The following PRDM11 variants were observed in gnomAD, a reference collection of about 807,000 sequenced individuals.
The protein encoded by PRDM11 is PR/SET domain 11.
Under a neutral mutation model 97.8 loss-of-function variants are expected in PRDM11, and 20 were observed. That is an observed-to-expected ratio of 0.20 (90% CI 0.14 to 0.30). The LOEUF is 0.30. Among genes scored for constraint, PRDM11 ranks in the 10% least tolerant of loss-of-function variants. The probability of loss-of-function intolerance (pLI) is 1.00; values close to 1 mark genes in which losing one functional copy is unlikely to be tolerated. For synonymous variants in PRDM11, 599 were observed against 637.7 expected (o/e 0.94, Z 0.91); for missense variants, 1,139 against 1,555.2 (o/e 0.73, Z 4.50).
intron 1 of PRDM11, among the ~76,000 whole-genome samples, chr11:45,161,607 A>G (rs1008897282): frequency 2.0e-5 from 3 of 152,232 alleles, no homozygotes; most frequent in Admixed American, 1.3e-4. Context: ...CAGGAGAAGA[A>G]AGCAGTCTGG....
chr11:45,192,204 TGGTATTAATATTAG>T (rs1852940950), intron 4 of PRDM11, among the ~76,000 whole-genome samples: 3 of 152,126 alleles, frequency 2.0e-5, no homozygotes, highest in African/African-American at 7.2e-5. Context: ...CAGGTGGGGA[TGGTATTAATATTAG>T]GGTATAACAG....
rs761733234 is a variant in PRDM11, at chr11:45,224,272, C to T, written c.798C>T (p.Asp266=). ...KSEQVLDNPE[D]LRGPIHLSVL... ...AGCAGGTTCTGGATAACCCAGAAGACCTGAGGGGTCCCATTCATCTCTCTG... is the reference window on the plus strand; with the variant it reads ...AGCAGGTTCTGGATAACCCAGAAGATCTGAGGGGTCCCATTCATCTCTCTG... Residue 266 remains aspartate (D), a synonymous_variant, in exon 7 of 8, where the codon GAC becomes GAT. Coordinates refer to ENST00000683152, the MANE Select transcript of PRDM11 (RefSeq NM_001384648.1). 1 of 1,613,486 alleles carries T rather than the reference C, an allele frequency of 6.2e-7. No individual in the cohort carries two copies. Among genetic ancestry groups the T allele is most frequent in the South Asian group, 1.1e-5 (1 of 90,944 alleles).
At chr11:45,106,624 C>T (rs537704682) in intron 1 of PRDM11, among the ~76,000 whole-genome samples, 5 of 152,260 alleles carry the variant, frequency 3.3e-5, no homozygotes, top group South Asian at 2.1e-4. Context: ...GGTGACTTGA[C>T]GGTGGTGGCA....
At chr11:45,129,237 A>G (rs1852661636) in intron 1 of PRDM11, among the ~76,000 whole-genome samples, 1 of 152,240 alleles carries the variant, frequency 6.6e-6, no homozygotes, top group Admixed American at 6.5e-5. Flanking sequence ...CTCTGAGGTT[A>G]GGAACAAGAC....
intron 5 of PRDM11, among the ~76,000 whole-genome samples, chr11:45,209,486 T>G (rs892283254): frequency 2.0e-5 from 3 of 152,232 alleles, no homozygotes; most frequent in African/African-American, 7.2e-5. Context: ...GAATATTTAC[T>G]GAGCATCTCC....
chr11:45,153,925 A>G (rs1192222779), intron 1 of PRDM11, among the ~76,000 whole-genome samples: 1 of 152,222 alleles, frequency 6.6e-6, no homozygotes, highest in Non-Finnish European at 1.5e-5. Flanking sequence ...GAGAGGTTAC[A>G]TGACCAACTG....
chr11:45,169,816 C>G (rs1852157739), intron 1 of PRDM11, among the ~76,000 whole-genome samples: 1 of 152,228 alleles, frequency 6.6e-6, no homozygotes, highest in African/African-American at 2.4e-5. Flanking sequence ...TCTGCTGTCT[C>G]TCCCATGACG....
intron 1 of PRDM11, among the ~76,000 whole-genome samples, chr11:45,154,637 A>G (rs1043455895): frequency 1.3e-5 from 2 of 152,222 alleles, no homozygotes; most frequent in Non-Finnish European, 1.5e-5. Flanking sequence ...TGGAGCCTTC[A>G]GTGCCTTCTA....
At position 45,158,439 on chromosome 11, in the gene PRDM11, A is replaced by T. The variant is rs552340212; in HGVS notation, c.-7+11562A>T. Among the ~76,000 whole-genome samples, 122 of 152,306 alleles carry T rather than the reference A, an allele frequency of 8.0e-4. No homozygotes were observed. In the East Asian group the frequency reaches 0.013, roughly 16 times the overall value. ...CCGGGCTGTCTGGCTGCTGTTCAAC[A>T]GGGAGTCCAGCTGCCTGGGGTCCTA... On this transcript the variant is annotated intron_variant, in intron 1 of 7. Transcript: ENST00000683152.
At chr11:45,110,410 G>A (rs1311796055) in intron 1 of PRDM11, among the ~76,000 whole-genome samples, 1 of 152,184 alleles carries the variant, frequency 6.6e-6, no homozygotes, top group Non-Finnish European at 1.5e-5. Flanking sequence ...CATTTAGATA[G>A]CATTACAATT....
At chr11:45,220,773 C>T (rs552389368) in intron 6 of PRDM11, among the ~76,000 whole-genome samples, 280 of 152,264 alleles carry the variant, frequency 1.8e-3, no homozygotes, top group African/African-American at 6.4e-3. Context: ...TGTGGGAAGC[C>T]GGGTGGGTTC....
intron 1 of PRDM11, among the ~76,000 whole-genome samples, chr11:45,121,350 G>A (rs1408371477): frequency 6.6e-6 from 1 of 151,980 alleles, no homozygotes. Context: ...ACAAAAAGCT[G>A]GTGTGGTTAT....
At chr11:45,120,734 A>C (rs1168200090) in intron 1 of PRDM11, among the ~76,000 whole-genome samples, 1 of 152,104 alleles carries the variant, frequency 6.6e-6, no homozygotes, top group Middle Eastern at 3.2e-3. Flanking sequence ...GAGAGAACAG[A>C]CCACAGGAAG....
chr11:45,128,459 A>C (rs1852636019), intron 1 of PRDM11, among the ~76,000 whole-genome samples: 1 of 152,018 alleles, frequency 6.6e-6, no homozygotes, highest in African/African-American at 2.4e-5. Context: ...GAAGCTGTAG[A>C]CCGGAGCTCT....
chr11:45,149,346 C>A (rs938151398), intron 1 of PRDM11, among the ~76,000 whole-genome samples: 2 of 152,258 alleles, frequency 1.3e-5, no homozygotes, highest in Non-Finnish European at 2.9e-5. Flanking sequence ...CCCTTGACCT[C>A]ATCTTCTATC....
At chr11:45,199,706 G>C (rs951982041) in intron 4 of PRDM11, among the ~76,000 whole-genome samples, 1 of 152,180 alleles carries the variant, frequency 6.6e-6, no homozygotes, top group African/African-American at 2.4e-5. Context: ...TGGCCCTGCT[G>C]TCATTCCTGG....
At chr11:45,217,704 G>A (rs1325892683) in intron 5 of PRDM11, among the ~76,000 whole-genome samples, 2 of 152,214 alleles carry the variant, frequency 1.3e-5, no homozygotes, top group East Asian at 3.9e-4. Context: ...GATGAGCAAG[G>A]CAGGATATAG....
At chr11:45,113,828 TG>T (rs1429599383) in intron 1 of PRDM11, among the ~76,000 whole-genome samples, 26 of 101,912 alleles carry the variant, frequency 2.6e-4, no homozygotes, top group Middle Eastern at 4.9e-3. Context: ...GTGTGTGTTT[TG>T]TTTTTTTTTT....
intron 1 of PRDM11, among the ~76,000 whole-genome samples, chr11:45,117,022 G>A (rs1299543628): frequency 1.3e-5 from 2 of 152,096 alleles, no homozygotes; most frequent in Admixed American, 6.6e-5. Context: ...TCAGGAGTTC[G>A]AGACCAGCCT....
Sources: gnomAD v4.1 joint callset for allele counts (sites outside exome capture counted in the v4.1 genomes callset) on GRCh38, gnomAD v4.1.1 for gene constraint, MANE v1.5 for transcripts, NCBI Gene and HGNC (gene_info 2026-07-23, HGNC 2026-07-21) for gene names.